ERBB4: variants seen among roughly 807,000 people sequenced by gnomAD.
ERBB4 encodes the protein receptor tyrosine-protein kinase erbB-4.
Under a neutral mutation model 158.0 loss-of-function variants are expected in ERBB4, and 42 were observed. The ratio of observed to expected loss-of-function variants is 0.27; its 90% confidence interval spans 0.21 to 0.34. The LOEUF (loss-of-function observed/expected upper bound fraction) is 0.34. Ranked by LOEUF, ERBB4 falls within the 10% of genes least tolerant of loss-of-function variation. The pLI, the probability that ERBB4 is intolerant of heterozygous loss-of-function variation, is 1.00. For missense variants in ERBB4, 1,333 were observed against 1,624.1 expected, an observed-to-expected ratio of 0.82 and a Z score of 3.08; for synonymous variants, 583 against 558.7, an observed-to-expected ratio of 1.04 and a Z score of -0.61.
At chr2:211,613,231 G>T (rs956980511) in intron 19 of ERBB4, among the ~76,000 whole-genome samples, 1 of 152,056 alleles carries the variant, frequency 6.6e-6, no homozygotes, top group Admixed American at 6.6e-5. Flanking sequence ...CTTACTGCCT[G>T]TATGATTTTA....
chr2:212,393,701 C>T (rs2090944702), intron 1 of ERBB4, among the ~76,000 whole-genome samples: 1 of 152,022 alleles, frequency 6.6e-6, no homozygotes, highest in Non-Finnish European at 1.5e-5. Context: ...CTTGGATCCA[C>T]CAGACCCCGA....
intron 19 of ERBB4, among the ~76,000 whole-genome samples, chr2:211,581,495 T>A (rs746109557): frequency 6.6e-6 from 1 of 152,042 alleles, no homozygotes; most frequent in Non-Finnish European, 1.5e-5. Flanking sequence ...CATGCAAAAA[T>A]ACAATAAAAA....
At chr2:212,022,263 C>CA (rs1402209004) in intron 2 of ERBB4, among the ~76,000 whole-genome samples, 2 of 152,160 alleles carry the variant, frequency 1.3e-5, no homozygotes, top group African/African-American at 4.8e-5. Context: ...TTCACAATAG[C>CA]AAAGTAATGG....
intron 2 of ERBB4, among the ~76,000 whole-genome samples, chr2:212,022,940 G>T (rs2076689175): frequency 6.6e-6 from 1 of 152,112 alleles, no homozygotes; most frequent in Non-Finnish European, 1.5e-5. Context: ...AGTAAGGAGG[G>T]CCATCTTTAT....
chr2:211,598,421 T>G (rs913162855), intron 19 of ERBB4, among the ~76,000 whole-genome samples: 1 of 152,174 alleles, frequency 6.6e-6, no homozygotes, highest in African/African-American at 2.4e-5. Context: ...GGTGACTCAG[T>G]TGATGGTGTC....
Position 211,549,488 on chromosome 2 carries a change from G to T in ERBB4, c.2487+12415C>A, listed in dbSNP as rs547678631. On this transcript the variant is annotated intron_variant, in intron 20 of 27. Transcript: ENST00000342788. ...GGGATGGTGAATGCATGGATATCCA[G>T]GCCCTGGAGGACTGAGTAGCATGAG... is the stretch of plus-strand genomic sequence containing the variant. Among the ~76,000 whole-genome samples, 4 of 152,220 alleles carry T rather than the reference G, an allele frequency of 2.6e-5. No homozygotes were observed. In the East Asian group the frequency reaches 7.7e-4, roughly 29 times the overall value.
At chr2:212,407,078 T>C (rs2091367092) in intron 1 of ERBB4, among the ~76,000 whole-genome samples, 1 of 151,940 alleles carries the variant, frequency 6.6e-6, no homozygotes, top group Non-Finnish European at 1.5e-5. Context: ...GTTAGGTATC[T>C]CTTCCCCTTC....
At chr2:212,286,457 T>C (rs984199495) in intron 1 of ERBB4, among the ~76,000 whole-genome samples, 1 of 152,096 alleles carries the variant, frequency 6.6e-6, no homozygotes, top group Non-Finnish European at 1.5e-5. Context: ...CTCTGTGTTA[T>C]ATCTGGACAC....
intron 1 of ERBB4, among the ~76,000 whole-genome samples, chr2:212,129,759 AATTAG>A (rs1238591077): frequency 1.3e-5 from 2 of 152,076 alleles, no homozygotes; most frequent in Non-Finnish European, 2.9e-5. Flanking sequence ...CAAAAAACAA[AATTAG>A]ATTAATCACA....
In ERBB4 at chr2:212,378,162, T is replaced by C. The variant is rs577343190; in HGVS notation, c.82+160287A>G. Among the ~76,000 whole-genome samples the C allele has an allele frequency of 1.6e-4, 25 of 151,908 alleles. 1 individual carries two copies. The South Asian group carries it at 5.0e-3, about 30-fold the overall frequency. The stretch of plus-strand genomic sequence containing the variant: ...AGGCAATAGAAATTGTTTGGCTCCA[T>C]TATAATATTATGGGACTACCGTCAT... On this transcript the variant is annotated intron_variant, in intron 1 of 27. Transcript: ENST00000342788.
intron 1 of ERBB4, among the ~76,000 whole-genome samples, chr2:212,280,404 A>T (rs1421609653): frequency 6.6e-6 from 1 of 151,708 alleles, no homozygotes; most frequent in Non-Finnish European, 1.5e-5. Flanking sequence ...CTGAGACAAA[A>T]AAGCCAAAAT....
chr2:211,564,069 C>CA (rs1167732867), intron 19 of ERBB4, among the ~76,000 whole-genome samples: 5 of 151,766 alleles, frequency 3.3e-5, no homozygotes, highest in East Asian at 1.9e-4. Flanking sequence ...ATTATACTGA[C>CA]AAAAAAAGAG....
intron 16 of ERBB4, among the ~76,000 whole-genome samples, chr2:211,639,809 C>G (rs2070504378): frequency 6.6e-6 from 1 of 152,056 alleles, no homozygotes; most frequent in East Asian, 1.9e-4. Flanking sequence ...GCAACCTCCA[C>G]CTCCGGAGTT....
chr2:211,430,254 A>C (rs1418518735), intron 21 of ERBB4, among the ~76,000 whole-genome samples: 1 of 152,024 alleles, frequency 6.6e-6, no homozygotes, highest in African/African-American at 2.4e-5. Flanking sequence ...TGCTTATTTC[A>C]TTTGGGCTGC....
At chr2:212,460,778 C>G (rs906095699) in intron 1 of ERBB4, among the ~76,000 whole-genome samples, 1 of 152,178 alleles carries the variant, frequency 6.6e-6, no homozygotes, top group Non-Finnish European at 1.5e-5. Flanking sequence ...GAAATTCCAG[C>G]TGGCTGCAGA....
At position 211,384,153 on chromosome 2, in the gene ERBB4, A is replaced by G. The variant is rs939974920; in HGVS notation, c.3482-93T>C. On this transcript the variant is annotated intron_variant, in intron 27 of 27. Coordinates refer to ENST00000342788, the MANE Select transcript of ERBB4 (RefSeq NM_005235.3). ...CATAATGGTTAGCTTCTTTGTCTAGAACAAAAAAACCCACAGATTTGTTTT... is the reference window on the plus strand; with the variant it reads ...CATAATGGTTAGCTTCTTTGTCTAGGACAAAAAAACCCACAGATTTGTTTT... 4.6e-6 allele frequency: 4 copies of G among 871,124 alleles called. No individual in the cohort carries two copies. The Admixed American group carries it at 6.8e-5, about 15-fold the overall frequency. 54.0% of individuals were successfully genotyped at this position (871,124 alleles called of 1,614,324 possible).
At chr2:212,359,999 G>A (rs2089623646) in intron 1 of ERBB4, among the ~76,000 whole-genome samples, 2 of 151,556 alleles carry the variant, frequency 1.3e-5, no homozygotes, top group African/African-American at 2.4e-5. Context: ...ACATTGATCA[G>A]AATCAGAGAA....
chr2:211,774,402 G>C (rs2075820384), intron 4 of ERBB4, among the ~76,000 whole-genome samples: 1 of 152,102 alleles, frequency 6.6e-6, no homozygotes, highest in South Asian at 2.1e-4. Context: ...TATGGGGATA[G>C]TAAGCTAGGG....
chr2:211,971,495 C>T (rs2081450544), intron 2 of ERBB4, among the ~76,000 whole-genome samples: 1 of 152,148 alleles, frequency 6.6e-6, no homozygotes. Context: ...GAGCTGGTAC[C>T]ATTCCTACTG....
Sources: gnomAD v4.1 joint callset for allele counts (sites outside exome capture counted in the v4.1 genomes callset) on GRCh38, gnomAD v4.1.1 for gene constraint, MANE v1.5 for transcripts, NCBI Gene and HGNC (gene_info 2026-07-23, HGNC 2026-07-21) for gene names.